Variants in RUSC2 observed in about 807,000 individuals in gnomAD.
RUSC2 encodes RUN and SH3 domain containing 2.
Under a neutral mutation model 122.2 loss-of-function variants are expected in RUSC2, and 34 were observed. The observed-to-expected ratio is 0.28, with a 90% CI of 0.21 to 0.37. The LOEUF is 0.37. RUSC2 is among the 10% of genes least tolerant of loss of function. RUSC2 has a pLI of 1.00. For missense variants in RUSC2, 1,747 were observed against 1,952.4 expected (o/e 0.89, Z 1.98); for synonymous variants, 784 against 790.0 (o/e 0.99, Z 0.13).
At chr9:35,505,066 C>A (rs1038361227) in intron 1 of RUSC2, among the ~76,000 whole-genome samples, 7 of 151,330 alleles carry the variant, frequency 4.6e-5, no homozygotes, top group East Asian at 3.8e-4. Flanking sequence ...TGTGTTTTCA[C>A]CACAATTTTT....
intron 1 of RUSC2, among the ~76,000 whole-genome samples, chr9:35,500,374 C>A (rs1018993535): frequency 6.6e-6 from 1 of 152,162 alleles, no homozygotes; most frequent in Non-Finnish European, 1.5e-5. Flanking sequence ...AGACCTGCCC[C>A]CATGATTCAA....
At position 35,558,721 on chromosome 9, in the gene RUSC2, C is replaced by T. The variant is rs1248474325; in HGVS notation, c.3341+154C>T. On this transcript the variant is annotated intron_variant, in intron 8 of 11. Coordinates refer to ENST00000361226, the MANE Select transcript of RUSC2 (RefSeq NM_014806.5). This position sits in a 1 kb window ranked among gnomAD's most constrained non-coding sequence, Gnocchi z 4.3. ...GCTATGGCCTCTCAGTAGGTCACTG[C>T]CTCCCCACTGTGCCCATGACTCTGT... 6.6e-6 allele frequency among the ~76,000 whole-genome samples: 1 copy of T among 152,208 alleles called. No individual in the cohort carries two copies. Among genetic ancestry groups the T allele is most frequent in the Non-Finnish European group, 1.5e-5 (1 of 68,042 alleles).
intron 1 of RUSC2, among the ~76,000 whole-genome samples, chr9:35,535,684 G>A (rs555153116): frequency 2.6e-5 from 4 of 151,824 alleles, no homozygotes; most frequent in South Asian, 2.1e-4. Context: ...GACTCCAGGC[G>A]TCCACCACCA....
chr9:35,560,422 G>A lies in RUSC2; in HGVS notation c.3782G>A (p.Arg1261Lys), dbSNP rs1216205238. The A allele has an allele frequency of 6.2e-7, 1 of 1,614,180 alleles. No homozygotes were observed. Among genetic ancestry groups the A allele is most frequent in the South Asian group, 1.1e-5 (1 of 91,090 alleles). ...AEAAGGSGRA[R>K]WARGGQAGWW... is the part of the protein sequence containing the mutation. ...GCAGCCGGGGGCTCAGGGCGTGCCAGGTGGGCCCGAGGTGGGCAGGCCGGC... is the reference window on the plus strand; with the variant it reads ...GCAGCCGGGGGCTCAGGGCGTGCCAAGTGGGCCCGAGGTGGGCAGGCCGGC... Residue 1261 changes from arginine (R) to lysine (K), a missense_variant, in exon 10 of 12, where the codon AGG (arginine) becomes AAG (lysine). Coordinates refer to ENST00000361226, the MANE Select transcript of RUSC2 (RefSeq NM_014806.5).
chr9:35,539,048 C>T (rs1178768223), intron 1 of RUSC2: 1 of 152,336 alleles, frequency 6.6e-6, no homozygotes, highest in East Asian at 1.9e-4. Context: ...CGCGGTAGAG[C>T]TTGGTCGGAG....
chr9:35,555,255 C>T lies in RUSC2; in HGVS notation c.2210C>T (p.Pro737Leu), dbSNP rs752370555. The T allele has an allele frequency of 5.6e-6, 9 of 1,613,254 alleles. No homozygotes were observed. Among genetic ancestry groups the T allele is most frequent in the Non-Finnish European group, 5.9e-6 (7 of 1,180,030 alleles). ...CAGCAGCCTGCCCCACTGGCTGCCC[C>T]TGCTGCTCAAGTCTCAGTCCCAGCT... ...RTQQPAPLAAPAAQVSVPAPS... is the reference protein window; with the variant it reads ...RTQQPAPLAALAAQVSVPAPS... Residue 737 changes from proline (P) to leucine (L), a missense_variant, in exon 3 of 12, where the codon CCT (proline) becomes CTT (leucine). Transcript: ENST00000361226. The surrounding 1 kb of genome is among the most constrained non-coding windows in gnomAD (Gnocchi z 4.6).
At chr9:35,561,148 G>C in intron 11 of RUSC2, 33 bp from the exon 12 acceptor site, 1 of 1,613,384 alleles carries the variant, frequency 6.2e-7, no homozygotes, top group Non-Finnish European at 8.5e-7. Flanking sequence ...CTTTTGAGGG[G>C]GTTTCTCTGA....
intron 1 of RUSC2, among the ~76,000 whole-genome samples, chr9:35,491,777 C>A (rs183897600): frequency 4.0e-4 from 61 of 152,262 alleles, no homozygotes; most frequent in Non-Finnish European, 4.4e-5. Flanking sequence ...TGGTGAAACC[C>A]CATCTCTACT....
chr9:35,510,007 G>A (rs1432914341), intron 1 of RUSC2, among the ~76,000 whole-genome samples: 1 of 152,186 alleles, frequency 6.6e-6, no homozygotes, highest in Non-Finnish European at 1.5e-5. Context: ...TGAATGGCCT[G>A]ATGCTGAAAA....
Position 35,561,216 on chromosome 9 carries a change from G to C in RUSC2, c.4385G>C (p.Gly1462Ala), listed in dbSNP as rs755010633. ...GCACTGTGCCACCACCTGGCCACCGGCCCTGGACAGCTGAGCTTCCACAAA... is the reference window on the plus strand; with the variant it reads ...GCACTGTGCCACCACCTGGCCACCGCCCCTGGACAGCTGAGCTTCCACAAA... ...VQALCHHLAT[G>A]PGQLSFHKGD... Residue 1462 changes from glycine (G) to alanine (A), a missense_variant, in exon 12 of 12, where the codon GGC becomes GCC. Transcript: ENST00000361226. 7 of 1,614,042 alleles carry C rather than the reference G, an allele frequency of 4.3e-6. No homozygotes were observed. The Admixed American group carries it at 1.2e-4, about 27-fold the overall frequency.
At chr9:35,499,118 C>G (rs1820773938) in intron 1 of RUSC2, among the ~76,000 whole-genome samples, 1 of 151,938 alleles carries the variant, frequency 6.6e-6, no homozygotes, top group Non-Finnish European at 1.5e-5. Context: ...AAAAGCCCAG[C>G]TCTACTAAAA....
At chr9:35,495,263 A>ATT (rs1464139314) in intron 1 of RUSC2, among the ~76,000 whole-genome samples, 1 of 111,174 alleles carries the variant, frequency 9.0e-6, no homozygotes, top group African/African-American at 3.2e-5. Flanking sequence ...TATAAAATAT[A>ATT]TTTTTTATAT....
At position 35,558,229 on chromosome 9, in the gene RUSC2, T is replaced by C. The variant is rs770377427; in HGVS notation, c.3093T>C (p.Asn1031=). The change falls in exon 7 of 12, where the codon AAT becomes AAC. Residue 1031 remains asparagine (N), a synonymous_variant. Transcript: ENST00000361226. This position sits in a 1 kb window ranked among gnomAD's most constrained non-coding sequence, Gnocchi z 4.3. Reference sequence around the variant, plus strand: ...TGGGAAACAGTTCTGTGAGCCCCAATGTGGGCCACCTGGTTCTGAAGTACT... The same window carrying C: ...TGGGAAACAGTTCTGTGAGCCCCAACGTGGGCCACCTGGTTCTGAAGTACT... ...AKLGNSSVSP[N]VGHLVLKYLC... 3.1e-6 allele frequency: 5 copies of C among 1,613,814 alleles called. No individual in the cohort carries two copies. In the South Asian group the frequency reaches 3.3e-5, roughly 11 times the overall value.
At chr9:35,559,638 G>T (rs993699060) in intron 9 of RUSC2, among the ~76,000 whole-genome samples, 2 of 152,220 alleles carry the variant, frequency 1.3e-5, no homozygotes, top group South Asian at 2.1e-4. Context: ...GGGAGGCTGA[G>T]GCACGAGAAT....
Position 35,548,371 on chromosome 9 carries a change from G to T in RUSC2, c.1850G>T (p.Trp617Leu), listed in dbSNP as rs1260954855. The T allele has an allele frequency of 2.5e-6, 4 of 1,614,054 alleles. No homozygotes were observed. Among genetic ancestry groups the T allele is most frequent in the Middle Eastern group, 1.6e-4 (1 of 6,062 alleles). The change falls in exon 2 of 12, where the codon TGG becomes TTG. Residue 617 changes from tryptophan (W) to leucine (L), a missense_variant. Physicochemically the swap from Trp to Leu is moderately conservative, Grantham distance 61. Coordinates refer to ENST00000361226, the MANE Select transcript of RUSC2 (RefSeq NM_014806.5). The surrounding 1 kb of genome is among the most constrained non-coding windows in gnomAD (Gnocchi z 4.5). ...DLLGPDPSPP[W>L]STQVCQGPHS... Reference sequence around the variant, plus strand: ...CTTGGCCCAGACCCAAGTCCACCCTGGTCCACCCAGGTCTGTCAGGGACCC... The same window carrying T: ...CTTGGCCCAGACCCAAGTCCACCCTTGTCCACCCAGGTCTGTCAGGGACCC...
intron 1 of RUSC2, among the ~76,000 whole-genome samples, chr9:35,497,222 C>T (rs7870832): frequency 0.17 from 26,105 of 152,114 alleles, 2,410 homozygotes; most frequent in Admixed American, 0.26. Flanking sequence ...TACGACACAG[C>T]AGTACATTGT....
Position 35,548,298 on chromosome 9 carries a change from T to G in RUSC2, c.1777T>G (p.Cys593Gly). 6.2e-7 allele frequency: 1 copy of G among 1,614,042 alleles called. No individual in the cohort carries two copies. Among genetic ancestry groups the G allele is most frequent in the Non-Finnish European group, 8.5e-7 (1 of 1,180,034 alleles). Residue 593 changes from cysteine (C) to glycine (G), a missense_variant, in exon 2 of 12, where the codon TGT becomes GGT. Cys to Gly is a radical substitution (Grantham distance 159). Coordinates refer to ENST00000361226, the MANE Select transcript of RUSC2 (RefSeq NM_014806.5). This position sits in a 1 kb window ranked among gnomAD's most constrained non-coding sequence, Gnocchi z 4.5. ...RGAPLDEGTCCSHSLPPMPLG... is the reference protein window; with the variant it reads ...RGAPLDEGTCGSHSLPPMPLG... ...GGCCCCACTGGATGAGGGCACTTGC[T>G]GTAGCCATAGCCTGCCACCCATGCC...
chr9:35,520,768 G>A (rs912755216), intron 1 of RUSC2, among the ~76,000 whole-genome samples: 3 of 152,070 alleles, frequency 2.0e-5, no homozygotes, highest in African/African-American at 7.2e-5. Flanking sequence ...TCCAAGCAAA[G>A]CAGTCTGTGC....
At chr9:35,490,460 A>G (rs970159114) in intron 1 of RUSC2, among the ~76,000 whole-genome samples, 1 of 151,192 alleles carries the variant, frequency 6.6e-6, no homozygotes, top group Non-Finnish European at 1.5e-5. Context: ...GCCACCCCAG[A>G]TGCATCCCCA....
Sources: allele counts gnomAD v4.1 joint callset (sites outside exome capture counted in the v4.1 genomes callset), GRCh38; gene constraint gnomAD v4.1.1; non-coding constraint Gnocchi (gnomAD v3.1); transcripts MANE v1.5; gene names NCBI Gene and HGNC (gene_info 2026-07-23, HGNC 2026-07-21).